The following LEMD2 variants were observed in gnomAD, a reference collection of about 807,000 sequenced individuals.
LEMD2 encodes the protein LEM domain nuclear envelope protein 2, also known as LEM domain-containing protein 2.
Under a neutral mutation model 58.8 loss-of-function variants are expected in LEMD2, and 34 were observed. The observed-to-expected ratio is 0.58, with a 90% CI of 0.44 to 0.77. The LOEUF (loss-of-function observed/expected upper bound fraction) is 0.77, where lower values mean the gene tolerates loss of function less well. Among genes scored for constraint, LEMD2 ranks in the 30% least tolerant of loss-of-function variants. The probability of loss-of-function intolerance (pLI) is 0.00; values close to 1 mark genes in which losing one functional copy is unlikely to be tolerated. For missense variants in LEMD2, 629 were observed against 717.9 expected (o/e 0.88, Z 1.42); for synonymous variants, 298 against 308.9 (o/e 0.96, Z 0.37).
intron 2 of LEMD2, among the ~76,000 whole-genome samples, chr6:33,785,513 G>A (rs1044736850): frequency 1.3e-5 from 2 of 152,222 alleles, no homozygotes; most frequent in African/African-American, 2.4e-5. Flanking sequence ...CCAGATCAGA[G>A]AAGGCCAGGG....
chr6:33,788,793 C>G lies in LEMD2; in HGVS notation c.324G>C (p.Arg108=). 1 of 1,451,902 alleles carries G rather than the reference C, an allele frequency of 6.9e-7. No homozygotes were observed. The highest frequency in any genetic ancestry group is 9.1e-7 in the Non-Finnish European group (1 of 1,104,272). The allele number at this position is 1,451,902 out of a possible 1,614,324, so 89.9% of individuals were successfully genotyped here. Residue 108 remains arginine (R), a synonymous_variant, in exon 1 of 9, where the codon CGG becomes CGC. Transcript: ENST00000293760. ...YATPGAYGDI[R]PSAASWVGSR... The stretch of plus-strand genomic sequence containing the variant: ...TCCCTACCCAGGAAGCCGCGGAGGG[C>G]CGGATATCACCGTAGGCCCCAGGGG...
Position 33,788,982 on chromosome 6 carries a change from GCGCAGCCGGGCCTCGCCC to G in LEMD2, c.117_134del (p.Gly40_Arg45del), listed in dbSNP as rs1767758782. ...CCTCCTCCCGCAGCCGCTCCTCGTC[GCGCAGCCGGGCCTCGCCC>G]CGCAGGCGGCGCAGCTTGTTGCGGT... On this transcript the variant is annotated inframe_deletion, in exon 1 of 9. Transcript: ENST00000293760. The G allele has an allele frequency of 6.5e-7, 1 of 1,542,460 alleles. No homozygotes were observed. The highest frequency in any genetic ancestry group is 8.7e-7 in the Non-Finnish European group (1 of 1,152,388).
At chr6:33,783,937 A>G (rs1378196014) in intron 3 of LEMD2, among the ~76,000 whole-genome samples, 1 of 152,232 alleles carries the variant, frequency 6.6e-6, no homozygotes, top group Non-Finnish European at 1.5e-5. Flanking sequence ...CACAGGCAAG[A>G]GGCCTCTCCC....
In LEMD2 at chr6:33,780,177, A is replaced by G. The variant is rs890692554; in HGVS notation, c.933T>C (p.Asn311=). 11 of 1,586,696 alleles carry G rather than the reference A, an allele frequency of 6.9e-6. No individual in the cohort carries two copies. The highest frequency in any genetic ancestry group is 9.4e-6 in the Non-Finnish European group (11 of 1,165,210). The change falls in exon 5 of 9, where the codon AAT becomes AAC. Residue 311 remains asparagine (N), a splice_region_variant and synonymous_variant. Transcript: ENST00000293760. ...PVMEAQEYIA[N]VTSSSSAKFE... is the part of the protein sequence containing the mutation. The stretch of plus-strand genomic sequence containing the variant: ...ACTTGGCGGAGGAGCTGCTGGTCAC[A>G]TTCTGTGGGAGGGCGCGGGAGAAGG...
At chr6:33,784,475 G>C in intron 2 of LEMD2, 48 bp from the exon 3 acceptor site, 1 of 428,696 alleles carries the variant, frequency 2.3e-6, no homozygotes, top group South Asian at 1.6e-5. Flanking sequence ...TGGGTGGGAG[G>C]GGTCCGTCTG....
intron 8 of LEMD2, among the ~76,000 whole-genome samples, chr6:33,775,038 C>T (rs1207284001): frequency 2.0e-5 from 3 of 152,192 alleles, no homozygotes; most frequent in Non-Finnish European, 2.9e-5. Flanking sequence ...AGCGGGATCA[C>T]CTGCATTTTA....
At chr6:33,783,990 A>G (rs2182659) in intron 3 of LEMD2, among the ~76,000 whole-genome samples, 123,925 of 152,234 alleles carry the variant, frequency 0.81, 50,720 homozygotes, top group East Asian at 0.98. Context: ...CTCTAGGGTG[A>G]AGGACACAGA....
chr6:33,781,251 A>G, intron 3 of LEMD2, 98 bp from the exon 4 acceptor site: 1 of 766,244 alleles, frequency 1.3e-6, no homozygotes, highest in Non-Finnish European at 2.2e-6. Flanking sequence ...AGCTCTAATA[A>G]GGAGCATGTT....
At chr6:33,774,136 C>A (rs1767373586) in intron 8 of LEMD2, among the ~76,000 whole-genome samples, 1 of 151,746 alleles carries the variant, frequency 6.6e-6, no homozygotes, top group South Asian at 2.1e-4. Flanking sequence ...ATAATGGCTA[C>A]CCTTGGATGA....
intron 3 of LEMD2, among the ~76,000 whole-genome samples, chr6:33,783,184 A>G (rs949588621): frequency 2.6e-5 from 4 of 152,216 alleles, no homozygotes; most frequent in Non-Finnish European, 4.4e-5. Flanking sequence ...AAGGTTTGGA[A>G]CACTCTCTTA....
At position 33,771,648 on chromosome 6, in the gene LEMD2, CG is replaced by C; in HGVS notation, c.*979del. On this transcript the variant is annotated 3_prime_UTR_variant, in exon 9 of 9. Transcript: ENST00000293760. ...AGCTGGCGGGAGGGCCGGTGGGCGG[CG>C]GCGCGGACGCTGCTCCCTTGTGGCC... The C allele has an allele frequency of 6.6e-6, 1 of 152,350 alleles. No homozygotes were observed. The highest frequency in any genetic ancestry group is 2.1e-4 in the South Asian group (1 of 4,832). 9.4% of individuals were successfully genotyped at this position (152,350 alleles called of 1,614,324 possible).
intron 1 of LEMD2, chr6:33,787,107 G>T (rs1355483774): frequency 1.9e-5 from 6 of 317,730 alleles, no homozygotes; most frequent in African/African-American, 1.3e-4. Flanking sequence ...CAGGGAGTTA[G>T]GCCCAAACAA....
rs760986390 is a variant in LEMD2, at chr6:33,772,808, G to C, written c.1362-30C>G. 4 of 1,602,174 alleles carry C rather than the reference G, an allele frequency of 2.5e-6. No homozygotes were observed. In the Middle Eastern group the frequency reaches 5.0e-4, roughly 202 times the overall value. Reference sequence around the variant, plus strand: ...AATGAGAGGGACGGGGCTCTGCCTGGCACTGCCGAGGTGAGCCAGCCTGTG... The same window carrying C: ...AATGAGAGGGACGGGGCTCTGCCTGCCACTGCCGAGGTGAGCCAGCCTGTG... On this transcript the variant is annotated intron_variant, in intron 8 of 8. Transcript: ENST00000293760.
At chr6:33,773,627 G>A (rs1163600617) in intron 8 of LEMD2, among the ~76,000 whole-genome samples, 2 of 151,594 alleles carry the variant, frequency 1.3e-5, no homozygotes, top group African/African-American at 4.8e-5. Context: ...CAGGGGTCAG[G>A]ACCTGTCACC....
At chr6:33,785,968 C>T (rs1446970213) in intron 2 of LEMD2, among the ~76,000 whole-genome samples, 4 of 152,198 alleles carry the variant, frequency 2.6e-5, no homozygotes, top group Non-Finnish European at 5.9e-5. Context: ...GAGGACCATG[C>T]GTCATTTTCT....
At chr6:33,780,325 A>G (rs1582257509) in intron 4 of LEMD2, 146 bp from the exon 5 acceptor site, 1 of 729,056 alleles carries the variant, frequency 1.4e-6, no homozygotes. Context: ...AAGTGGCAGG[A>G]AGGAAATCGG....
At chr6:33,781,375 T>TGA (rs1561925522) in intron 3 of LEMD2, 12 of 540,744 alleles carry the variant, frequency 2.2e-5, no homozygotes, top group African/African-American at 5.7e-5. Context: ...CAGTGTGGCA[T>TGA]TTTGCATTAA....
Position 33,789,052 on chromosome 6 carries a change from G to A in LEMD2, c.65C>T (p.Pro22Leu), listed in dbSNP as rs1323665903. 9.0e-6 allele frequency: 14 copies of A among 1,553,182 alleles called. No individual in the cohort carries two copies. The highest frequency in any genetic ancestry group is 1.2e-5 in the Non-Finnish European group (14 of 1,157,474). ...ELQALGFQPG[P>L]ITDTTRDVYR... ...GACATCCCGGGTGGTGTCGGTGATG[G>A]GTCCTGGCTGGAAGCCCAGGGCCTG... is the stretch of plus-strand genomic sequence containing the variant. The change falls in exon 1 of 9, where the codon CCC (proline) becomes CTC (leucine). Residue 22 changes from proline to leucine, a missense_variant. Transcript: ENST00000293760.
intron 3 of LEMD2, among the ~76,000 whole-genome samples, chr6:33,782,500 T>C (rs1436232387): frequency 6.6e-6 from 1 of 152,248 alleles, no homozygotes; most frequent in Non-Finnish European, 1.5e-5. Flanking sequence ...ACTCGAGATG[T>C]AATTTCCTGC....
Sources: allele counts gnomAD v4.1 joint callset (sites outside exome capture counted in the v4.1 genomes callset), GRCh38; gene constraint gnomAD v4.1.1; transcripts MANE v1.5; gene names NCBI Gene and HGNC (gene_info 2026-07-23, HGNC 2026-07-21).